The following PPP1R21 variants were observed in gnomAD, a reference collection of about 807,000 sequenced individuals.
PPP1R21 encodes protein phosphatase 1 regulatory subunit 21.
A neutral mutation model predicts 112.8 loss-of-function variants in PPP1R21; 85 were observed. That is an observed-to-expected ratio of 0.75 (90% CI 0.63 to 0.90). PPP1R21 has a LOEUF of 0.90. Among genes scored for constraint, PPP1R21 ranks in the 40% least tolerant of loss-of-function variants. PPP1R21 has a pLI of 0.00. For missense variants in PPP1R21, 1,199 were observed against 901.5 expected, an observed-to-expected ratio of 1.33 and a Z score of -4.23; for synonymous variants, 381 against 322.3, an observed-to-expected ratio of 1.18 and a Z score of -1.95.
chr2:48,479,657 A>C (rs989104720), intron 12 of PPP1R21: 8 of 618,148 alleles, frequency 1.3e-5, no homozygotes, highest in Non-Finnish European at 1.5e-5. Context: ...CGTTTTACAA[A>C]GAATCATGAC....
At chr2:48,478,246 G>T (rs540033228) in intron 12 of PPP1R21, among the ~76,000 whole-genome samples, 1 of 152,314 alleles carries the variant, frequency 6.6e-6, no homozygotes, top group South Asian at 2.1e-4. Context: ...AAGCCACCTT[G>T]TTTGTGGTAC....
intron 3 of PPP1R21, among the ~76,000 whole-genome samples, chr2:48,456,319 C>T (rs1043501150): frequency 2.0e-5 from 3 of 149,952 alleles, no homozygotes; most frequent in African/African-American, 7.4e-5. Flanking sequence ...TATAGACTAA[C>T]ACTCCACAAA....
intron 7 of PPP1R21, among the ~76,000 whole-genome samples, chr2:48,463,996 G>A (rs534279549): frequency 2.0e-3 from 308 of 152,266 alleles, no homozygotes; most frequent in Non-Finnish European, 3.7e-3. Flanking sequence ...TAGGCACACG[G>A]CAATGAAATT....
intron 17 of PPP1R21, among the ~76,000 whole-genome samples, chr2:48,502,973 C>T (rs1037011988): frequency 6.6e-6 from 1 of 152,078 alleles, no homozygotes; most frequent in Non-Finnish European, 1.5e-5. Flanking sequence ...AGCTGCCGCG[C>T]CCAGCCTAGA....
At chr2:48,513,758 C>G (rs1028519899) in intron 21 of PPP1R21, among the ~76,000 whole-genome samples, 2 of 152,164 alleles carry the variant, frequency 1.3e-5, no homozygotes, top group Non-Finnish European at 2.9e-5. Flanking sequence ...TGTTTATATT[C>G]TGCAAGCATT....
intron 14 of PPP1R21, among the ~76,000 whole-genome samples, chr2:48,487,409 G>C (rs183825415): frequency 1.3e-5 from 2 of 152,046 alleles, no homozygotes; most frequent in South Asian, 4.1e-4. Flanking sequence ...GGTCATGATC[G>C]TCTGGATCAT....
intron 2 of PPP1R21, among the ~76,000 whole-genome samples, chr2:48,452,857 T>G (rs140056967): frequency 2.0e-3 from 302 of 152,196 alleles, no homozygotes; most frequent in African/African-American, 6.7e-3. Flanking sequence ...TTCTCCTTAA[T>G]GGGAGCATAT....
intron 15 of PPP1R21, among the ~76,000 whole-genome samples, chr2:48,494,492 T>C (rs1454159893): frequency 6.6e-6 from 1 of 151,756 alleles, no homozygotes; most frequent in Non-Finnish European, 1.5e-5. Flanking sequence ...AATGGCGCGA[T>C]CTCGGCTCAC....
At position 48,451,020 on chromosome 2, in the gene PPP1R21, A is replaced by G. The variant is rs1016420228; in HGVS notation, c.70A>G (p.Asn24Asp). 1 of 1,613,624 alleles carries G rather than the reference A, an allele frequency of 6.2e-7. No individual in the cohort carries two copies. The highest frequency in any genetic ancestry group is 1.3e-5 in the African/African-American group (1 of 74,932). The part of the protein sequence containing the change: ...AQEYSKLRAQ[N>D]QVLKKGVVDE... ...TCTCTGTTTTCAGCTTCGGGCTCAG[A>G]ATCAGGTTCTGAAAAAAGGTGTTGT... Residue 24 changes from asparagine (N) to aspartate (D), a missense_variant, in exon 2 of 22, where the codon AAT becomes GAT. Physicochemically the swap from Asn to Asp is conservative, Grantham distance 23. Coordinates refer to ENST00000294952, the MANE Select transcript of PPP1R21 (RefSeq NM_001135629.3).
rs571948824 is a variant in PPP1R21 at position 48,513,573 on chromosome 2, C to T, written c.2314-1142C>T. 4.6e-5 allele frequency among the ~76,000 whole-genome samples: 7 copies of T among 152,268 alleles called. No individual in the cohort carries two copies. In the East Asian group the frequency reaches 9.6e-4, roughly 21 times the overall value. ...ATTAATAAAACTCTGAGAGACCCTTCTTCAGTTTGAATTTATGTCATTAAC... is the reference window on the plus strand; with the variant it reads ...ATTAATAAAACTCTGAGAGACCCTTTTTCAGTTTGAATTTATGTCATTAAC... On this transcript the variant is annotated intron_variant, in intron 21 of 21. Transcript: ENST00000294952.
At chr2:48,447,661 C>G (rs928839391) in intron 1 of PPP1R21, among the ~76,000 whole-genome samples, 2 of 151,996 alleles carry the variant, frequency 1.3e-5, no homozygotes, top group Non-Finnish European at 2.9e-5. Flanking sequence ...TCTAAAAGAC[C>G]AGGCTGGCTG....
intron 17 of PPP1R21, among the ~76,000 whole-genome samples, chr2:48,504,113 A>G (rs1670262114): frequency 6.6e-6 from 1 of 152,170 alleles, no homozygotes; most frequent in African/African-American, 2.4e-5. Flanking sequence ...CTGCAGTCAT[A>G]TTTGAATATG....
intron 2 of PPP1R21, among the ~76,000 whole-genome samples, chr2:48,451,378 C>G (rs547457911): frequency 3.9e-5 from 6 of 152,324 alleles, no homozygotes; most frequent in African/African-American, 1.4e-4. Flanking sequence ...GGCTTCTTAT[C>G]AGTTGTCATC....
intron 15 of PPP1R21, among the ~76,000 whole-genome samples, chr2:48,492,237 G>T: frequency 6.6e-6 from 1 of 152,160 alleles, no homozygotes; most frequent in East Asian, 1.9e-4. Context: ...TCAGTTTGAT[G>T]TGTAACCTTT....
At chr2:48,509,901 G>T in intron 19 of PPP1R21, 114 bp from the exon 20 acceptor site, 1 of 629,714 alleles carries the variant, frequency 1.6e-6, no homozygotes. Context: ...CAGATTATTT[G>T]TGGAATGAAT....
intron 7 of PPP1R21, among the ~76,000 whole-genome samples, chr2:48,461,599 A>C (rs1256878291): frequency 6.6e-6 from 1 of 152,182 alleles, no homozygotes; most frequent in Non-Finnish European, 1.5e-5. Context: ...ATCATCTTAA[A>C]ATTATGACTT....
At chr2:48,508,705 T>C (rs1027234355) in intron 19 of PPP1R21, among the ~76,000 whole-genome samples, 6 of 152,224 alleles carry the variant, frequency 3.9e-5, no homozygotes, top group Non-Finnish European at 7.3e-5. Flanking sequence ...CCTATATTCC[T>C]CTTTGTCAGG....
intron 17 of PPP1R21, among the ~76,000 whole-genome samples, chr2:48,502,757 T>G (rs1469094775): frequency 7.0e-6 from 1 of 143,086 alleles, no homozygotes; most frequent in African/African-American, 2.6e-5. Context: ...CTCCACTCAC[T>G]GCAAGCTCCG....
intron 9 of PPP1R21, among the ~76,000 whole-genome samples, chr2:48,469,791 A>G (rs1039106580): frequency 2.6e-5 from 4 of 152,034 alleles, no homozygotes; most frequent in Non-Finnish European, 4.4e-5. Context: ...AAAAGATCCT[A>G]TGTGATTTTT....
Sources: allele counts gnomAD v4.1 joint callset (sites outside exome capture counted in the v4.1 genomes callset), GRCh38; gene constraint gnomAD v4.1.1; transcripts MANE v1.5; gene names NCBI Gene and HGNC (gene_info 2026-07-23, HGNC 2026-07-21).